Variants in MAPKAP1 observed in about 807,000 individuals in gnomAD.
MAPKAP1 encodes target of rapamycin complex 2 subunit MAPKAP1.
In MAPKAP1, 20 loss-of-function variants were observed where a neutral mutation model predicts 65.7. That is an observed-to-expected ratio of 0.30 (90% CI 0.21 to 0.44). The LOEUF is 0.44. Among genes scored for constraint, MAPKAP1 ranks in the 20% least tolerant of loss-of-function variants. MAPKAP1 has a pLI of 1.00. For synonymous variants in MAPKAP1, 222 were observed against 244.3 expected, an observed-to-expected ratio of 0.91 and a Z score of 0.85; for missense variants, 423 against 648.0, an observed-to-expected ratio of 0.65 and a Z score of 3.77.
intron 11 of MAPKAP1, among the ~76,000 whole-genome samples, chr9:125,443,697 C>G (rs1852586231): frequency 7.7e-6 from 1 of 129,352 alleles, no homozygotes; most frequent in Admixed American, 7.5e-5. Context: ...GCCCCGCCAG[C>G]TCCCCCAGCC....
intron 4 of MAPKAP1, among the ~76,000 whole-genome samples, chr9:125,590,773 C>A (rs1181595905): frequency 3.3e-5 from 5 of 151,886 alleles, no homozygotes; most frequent in Non-Finnish European, 7.4e-5. Flanking sequence ...AAATAGGGTT[C>A]TATCATAACT....
chr9:125,518,758 T>C lies in MAPKAP1; in HGVS notation c.959-12341A>G, dbSNP rs534031162. ...AAGATATAGAATGTACAGAGTAGGC[T>C]ACATGTTAGTAAAGTAAAACCCGAA... On this transcript the variant is annotated intron_variant, in intron 7 of 11. Transcript: ENST00000265960. Among the ~76,000 whole-genome samples, 7 of 152,326 alleles carry C rather than the reference T, an allele frequency of 4.6e-5. No homozygotes were observed. The East Asian group carries it at 1.2e-3, about 25-fold the overall frequency.
chr9:125,698,325 ATATATATAT>A (rs1835488583), intron 1 of MAPKAP1, among the ~76,000 whole-genome samples: 7 of 95,602 alleles, frequency 7.3e-5, no homozygotes, highest in Admixed American at 1.2e-4. Context: ...ATATATATAT[ATATATATAT>A]ATAAAATATA....
rs541524072 is a variant in MAPKAP1 at position 125,583,111 on chromosome 9, T to C, written c.671+2444A>G. Among the ~76,000 whole-genome samples the C allele has an allele frequency of 8.5e-5, 13 of 152,362 alleles. No individual in the cohort carries two copies. The South Asian group carries it at 2.7e-3, about 32-fold the overall frequency. On this transcript the variant is annotated intron_variant, in intron 5 of 11. Transcript: ENST00000265960. ...CAGGATGCTTATCTTGTTATTAAAG[T>C]ACAAATATGTTAATAGCATTTCATT...
At chr9:125,658,135 T>C (rs184151088) in intron 3 of MAPKAP1, among the ~76,000 whole-genome samples, 17 of 151,236 alleles carry the variant, frequency 1.1e-4, no homozygotes, top group South Asian at 4.2e-4. Flanking sequence ...TATGTGACAG[T>C]AGACACTTCT....
chr9:125,605,429 A>G (rs1308367885), intron 4 of MAPKAP1, among the ~76,000 whole-genome samples: 4 of 152,176 alleles, frequency 2.6e-5, no homozygotes, highest in Admixed American at 6.5e-5. Flanking sequence ...ATGGCAAACT[A>G]ACAGGGATTT....
chr9:125,587,571 A>AAAACAAAC (rs367582231), intron 4 of MAPKAP1, among the ~76,000 whole-genome samples: 2 of 152,116 alleles, frequency 1.3e-5, no homozygotes, highest in African/African-American at 4.8e-5. Flanking sequence ...GCTCAAAACA[A>AAAACAAAC]AAACAAACAA....
At position 125,438,472 on chromosome 9, in the gene MAPKAP1, T is replaced by C. The variant is rs889905032; in HGVS notation, c.*415A>G. 4.7e-5 allele frequency: 19 copies of C among 402,488 alleles called. No individual in the cohort carries two copies. The highest frequency in any genetic ancestry group is 6.2e-5 in the African/African-American group (3 of 48,734). 24.9% of individuals were successfully genotyped at this position (402,488 alleles called of 1,614,324 possible). A position where few individuals can be genotyped will look rare whatever the true frequency, so the allele number is the denominator to read the frequency against. ...GAATGGTCCATCATACCAACCATGA[T>C]AAAGAGTACACCTGTTTATTAAAAG... On this transcript the variant is annotated 3_prime_UTR_variant, in exon 12 of 12. Transcript: ENST00000265960.
intron 4 of MAPKAP1, among the ~76,000 whole-genome samples, chr9:125,642,463 C>T (rs958232080): frequency 1.3e-5 from 2 of 152,096 alleles, no homozygotes; most frequent in African/African-American, 4.8e-5. Context: ...ACCAACTAGA[C>T]CCAATATGGA....
At chr9:125,670,614 T>C (rs1157929599) in intron 2 of MAPKAP1, among the ~76,000 whole-genome samples, 3 of 152,214 alleles carry the variant, frequency 2.0e-5, no homozygotes, top group African/African-American at 7.2e-5. Flanking sequence ...AGCATCTAAG[T>C]GCTACCTAAA....
At chr9:125,596,182 A>G in intron 4 of MAPKAP1, 1 of 768,372 alleles carries the variant, frequency 1.3e-6, no homozygotes, top group Non-Finnish European at 2.4e-6. Flanking sequence ...GTGAATGGCC[A>G]CAATTGTGAA....
chr9:125,520,133 CTTTCCCATCTGTAAAA>C (rs1431311761), intron 7 of MAPKAP1, among the ~76,000 whole-genome samples: 3 of 152,194 alleles, frequency 2.0e-5, no homozygotes, highest in South Asian at 2.1e-4. Flanking sequence ...CTGTGCATTA[CTTTCCCATCTGTAAAA>C]TTTCCCATCT....
At chr9:125,486,466 G>C (rs534490297) in intron 8 of MAPKAP1, among the ~76,000 whole-genome samples, 1 of 152,278 alleles carries the variant, frequency 6.6e-6, no homozygotes, top group East Asian at 1.9e-4. Flanking sequence ...AGGGGGAATG[G>C]AAAACTCTAG....
intron 4 of MAPKAP1, among the ~76,000 whole-genome samples, chr9:125,653,356 C>T (rs753449325): frequency 1.3e-4 from 19 of 151,974 alleles, no homozygotes; most frequent in South Asian, 2.1e-4. Flanking sequence ...TTAAGTTTGA[C>T]GAAAAGTGGA....
intron 10 of MAPKAP1, among the ~76,000 whole-genome samples, chr9:125,459,843 AGGGAGACCGTG>A (rs1286735001): frequency 1.2e-3 from 171 of 146,070 alleles, no homozygotes; most frequent in African/African-American, 4.0e-3. Context: ...AGAGAGGGAG[AGGGAGACCGTG>A]GGGAGAGGGA....
At chr9:125,508,780 G>T (rs948657642) in intron 7 of MAPKAP1, among the ~76,000 whole-genome samples, 1 of 152,078 alleles carries the variant, frequency 6.6e-6, no homozygotes, top group African/African-American at 2.4e-5. Flanking sequence ...GAGCCCAGGG[G>T]TTTGAGGCTG....
chr9:125,662,291 A>G (rs1447695016), intron 3 of MAPKAP1, among the ~76,000 whole-genome samples: 1 of 152,048 alleles, frequency 6.6e-6, no homozygotes, highest in African/African-American at 2.4e-5. Context: ...CTGAGGAGGA[A>G]GAATCACTTG....
chr9:125,515,136 C>T (rs534413019), intron 7 of MAPKAP1, among the ~76,000 whole-genome samples: 85 of 152,068 alleles, frequency 5.6e-4, no homozygotes, highest in African/African-American at 1.9e-3. Flanking sequence ...TAAGGTCACA[C>T]TTTAGCCTCT....
At chr9:125,698,340 A>AG (rs1835493884) in intron 1 of MAPKAP1, among the ~76,000 whole-genome samples, 2 of 119,210 alleles carry the variant, frequency 1.7e-5, no homozygotes, top group East Asian at 5.1e-4. Context: ...TATATATAAA[A>AG]TATATATATT....
Sources: allele counts gnomAD v4.1 joint callset (sites outside exome capture counted in the v4.1 genomes callset), GRCh38; gene constraint gnomAD v4.1.1; transcripts MANE v1.5; gene names NCBI Gene and HGNC (gene_info 2026-07-23, HGNC 2026-07-21).